Variants in MAF observed in about 807,000 individuals in gnomAD.
MAF encodes the protein MAF bZIP transcription factor.
Under a neutral mutation model 22.0 loss-of-function variants are expected in MAF, and 10 were observed. The observed-to-expected ratio is 0.45, with a 90% CI of 0.28 to 0.77. The LOEUF (loss-of-function observed/expected upper bound fraction) is 0.77. Ranked by LOEUF, MAF falls within the 30% of genes least tolerant of loss-of-function variation. The probability of loss-of-function intolerance (pLI) is 0.12; values close to 1 mark genes in which losing one functional copy is unlikely to be tolerated. For missense variants in MAF, 544 were observed against 548.4 expected, an observed-to-expected ratio of 0.99 and a Z score of 0.08; for synonymous variants, 337 against 255.8, an observed-to-expected ratio of 1.32 and a Z score of -3.03.
the MAF span, among the ~76,000 whole-genome samples, chr16:79,251,587 C>T: frequency 6.8e-6 from 1 of 146,712 alleles, no homozygotes; most frequent in African/African-American, 2.4e-5. Context: ...AAAGTGCTGG[C>T]ATGAGCCACT....
the MAF span, among the ~76,000 whole-genome samples, chr16:79,426,608 C>A: frequency 6.6e-6 from 1 of 152,174 alleles, no homozygotes; most frequent in Admixed American, 6.5e-5. Context: ...CCAGGCCTGA[C>A]CAAACAGAAC....
chr16:79,411,877 T>C, the MAF span, among the ~76,000 whole-genome samples: 1 of 152,170 alleles, frequency 6.6e-6, no homozygotes, highest in Non-Finnish European at 1.5e-5. Context: ...TTTCTGTGTT[T>C]CCTCTGCACC....
the MAF span, chr16:79,211,819 A>G: frequency 6.2e-7 from 1 of 1,613,676 alleles, no homozygotes; most frequent in African/African-American, 1.3e-5. Context: ...GCGGATGGGC[A>G]CACACACCCG....
the MAF span, among the ~76,000 whole-genome samples, chr16:79,355,295 T>G: frequency 6.6e-6 from 1 of 152,188 alleles, no homozygotes; most frequent in Admixed American, 6.5e-5. Context: ...TAGAGTTGAA[T>G]TGACAGCTCA....
At chr16:79,560,316 G>A in the MAF span, among the ~76,000 whole-genome samples, 2 of 152,000 alleles carry the variant, frequency 1.3e-5, no homozygotes, top group South Asian at 2.1e-4. Flanking sequence ...TGAGATGAAC[G>A]CGAAGAGACA....
the MAF span, among the ~76,000 whole-genome samples, chr16:79,324,537 C>T: frequency 6.6e-6 from 1 of 152,076 alleles, no homozygotes; most frequent in Non-Finnish European, 1.5e-5. Context: ...ATTACAATGA[C>T]CATATAAGCA....
At chr16:79,407,244 A>G in the MAF span, among the ~76,000 whole-genome samples, 1 of 152,170 alleles carries the variant, frequency 6.6e-6, no homozygotes, top group Non-Finnish European at 1.5e-5. Flanking sequence ...AAGGAGTGCC[A>G]TCATTAACCC....
chr16:79,301,565 G>A, the MAF span, among the ~76,000 whole-genome samples: 1 of 152,030 alleles, frequency 6.6e-6, no homozygotes, highest in Admixed American at 6.6e-5. Flanking sequence ...TAGTTATTAT[G>A]CATATATTTT....
the MAF span, among the ~76,000 whole-genome samples, chr16:79,281,170 G>GTGCACATACCTTTTCTTGTTTT: frequency 2.0e-5 from 3 of 151,096 alleles, no homozygotes; most frequent in Admixed American, 2.0e-4. Context: ...GACGGAAGAT[G>GTGCACATACCTTTTCTTGTTTT]TGCACATACC....
At chr16:79,423,350 C>T in the MAF span, among the ~76,000 whole-genome samples, 2 of 152,046 alleles carry the variant, frequency 1.3e-5, no homozygotes, top group African/African-American at 4.8e-5. Context: ...GCAAGGAGGC[C>T]AGCGTGTCCA....
the MAF span, among the ~76,000 whole-genome samples, chr16:79,301,103 T>A: frequency 1.3e-5 from 2 of 151,580 alleles, no homozygotes; most frequent in Non-Finnish European, 2.9e-5. Flanking sequence ...GCCGTCCAGG[T>A]AGGGAGGAAA....
At chr16:79,255,610 C>T in the MAF span, among the ~76,000 whole-genome samples, 1 of 152,208 alleles carries the variant, frequency 6.6e-6, no homozygotes, top group Non-Finnish European at 1.5e-5. Flanking sequence ...GAGGGGGTCA[C>T]AGACAACCCC....
the MAF span, among the ~76,000 whole-genome samples, chr16:79,303,099 G>T: frequency 6.6e-6 from 1 of 152,196 alleles, no homozygotes; most frequent in Non-Finnish European, 1.5e-5. Flanking sequence ...GTGTGTGTGT[G>T]TGAATGTGTG....
At chr16:79,450,151 C>T in the MAF span, among the ~76,000 whole-genome samples, 2 of 152,220 alleles carry the variant, frequency 1.3e-5, no homozygotes, top group East Asian at 3.8e-4. Context: ...TGTCATCTCA[C>T]AGAGTTACAC....
chr16:79,523,834 A>G, the MAF span, among the ~76,000 whole-genome samples: 1 of 152,230 alleles, frequency 6.6e-6, no homozygotes, highest in Non-Finnish European at 1.5e-5. Flanking sequence ...TCAGTTCCAC[A>G]GAAATGAATT....
At chr16:79,457,456 A>G in the MAF span, among the ~76,000 whole-genome samples, 1 of 151,096 alleles carries the variant, frequency 6.6e-6, no homozygotes, top group Non-Finnish European at 1.5e-5. Context: ...AACGACTAAT[A>G]ATAATACTAA....
At chr16:79,402,152 C>T in the MAF span, among the ~76,000 whole-genome samples, 1 of 152,140 alleles carries the variant, frequency 6.6e-6, no homozygotes, top group Admixed American at 6.5e-5. Flanking sequence ...TTTTTCTGAG[C>T]CTCTGTTGAC....
At chr16:79,394,292 C>T in the MAF span, among the ~76,000 whole-genome samples, 1 of 152,158 alleles carries the variant, frequency 6.6e-6, no homozygotes, top group African/African-American at 2.4e-5. Context: ...ATCTCTATTC[C>T]TGGCAGCTAG....
the MAF span, among the ~76,000 whole-genome samples, chr16:79,499,661 C>G: frequency 6.6e-6 from 1 of 152,128 alleles, no homozygotes; most frequent in African/African-American, 2.4e-5. Flanking sequence ...TAGAAGGCAC[C>G]ATCCACGAAC....
Sources: gnomAD v4.1 joint callset for allele counts (sites outside exome capture counted in the v4.1 genomes callset) on GRCh38, gnomAD v4.1.1 for gene constraint, MANE v1.5 for transcripts, NCBI Gene and HGNC (gene_info 2026-07-23, HGNC 2026-07-21) for gene names.